Variants in ARHGAP32 observed in about 807,000 individuals in gnomAD.
ARHGAP32 encodes Rho GTPase activating protein 32.
A neutral mutation model predicts 186.5 loss-of-function variants in ARHGAP32; 51 were observed. The observed-to-expected ratio is 0.27, with a 90% CI of 0.22 to 0.35. The LOEUF is 0.35. ARHGAP32 is among the 10% of genes least tolerant of loss of function. The probability of loss-of-function intolerance (pLI) is 1.00; values close to 1 mark genes in which losing one functional copy is unlikely to be tolerated. For missense variants in ARHGAP32, 2,186 were observed against 2,623.5 expected (o/e 0.83, Z 3.64); for synonymous variants, 950 against 964.3 (o/e 0.99, Z 0.27).
chr11:129,226,539 T>G (rs1944784309), intron 1 of ARHGAP32, among the ~76,000 whole-genome samples: 1 of 152,160 alleles, frequency 6.6e-6, no homozygotes, highest in Non-Finnish European at 1.5e-5. Context: ...CTTCCCTCCA[T>G]TATGGCATTC....
chr11:129,168,309 G>A (rs1261348511), intron 1 of ARHGAP32, among the ~76,000 whole-genome samples: 1 of 152,100 alleles, frequency 6.6e-6, no homozygotes, highest in Non-Finnish European at 1.5e-5. Flanking sequence ...CCAAAAGGTA[G>A]AAAATGGAAG....
Position 129,123,429 on chromosome 11 carries a change from G to A in ARHGAP32, c.444+17C>T. The A allele has an allele frequency of 6.3e-7, 1 of 1,598,278 alleles. No individual in the cohort carries two copies. The highest frequency in any genetic ancestry group is 8.6e-7 in the Non-Finnish European group (1 of 1,166,774). ...GTGTAAATCTTAATTCAAGATGTAA[G>A]AAATATTTCAGTATACCTGTATGCT... is the stretch of plus-strand genomic sequence containing the variant. On this transcript the variant is annotated intron_variant, in intron 5 of 22. Coordinates refer to ENST00000682385, the MANE Select transcript of ARHGAP32 (RefSeq NM_001378024.1). The surrounding 1 kb of genome is among the most constrained non-coding windows in gnomAD (Gnocchi z 4.6).
At chr11:128,978,707 G>A (rs572648594) in intron 19 of ARHGAP32, 63 bp downstream of exon 19, 1,217 of 1,509,374 alleles carry the variant, frequency 8.1e-4, no homozygotes, top group Non-Finnish European at 1.0e-3. Flanking sequence ...TGTGAAGAAC[G>A]TGCCCAGAAC....
chr11:129,060,884 T>C (rs1328532106), intron 10 of ARHGAP32, among the ~76,000 whole-genome samples: 1 of 152,108 alleles, frequency 6.6e-6, no homozygotes, highest in East Asian at 1.9e-4. Context: ...ATCTTCAAGA[T>C]AATCATGTGA....
rs182483410 is a variant in ARHGAP32 at position 128,988,152 on chromosome 11, T to C, written c.1196-27A>G. ...TAAAGAGAATTTGTAAAGAAACAGATGAAATTGTAGTATTCACTGGAACCA... is the reference window on the plus strand; with the variant it reads ...TAAAGAGAATTTGTAAAGAAACAGACGAAATTGTAGTATTCACTGGAACCA... On this transcript the variant is annotated intron_variant, in intron 12 of 22. Coordinates refer to ENST00000682385, the MANE Select transcript of ARHGAP32 (RefSeq NM_001378024.1). The C allele has an allele frequency of 4.5e-3, 7,079 of 1,567,496 alleles. 38 individuals carry two copies. Among genetic ancestry groups the C allele is most frequent in the Non-Finnish European group, 5.7e-3 (6,485 of 1,140,812 alleles).
chr11:129,053,639 T>C (rs1268401658), intron 10 of ARHGAP32, among the ~76,000 whole-genome samples: 1 of 152,190 alleles, frequency 6.6e-6, no homozygotes, highest in African/African-American at 2.4e-5. Flanking sequence ...ATGCTTTAGT[T>C]TCTTCATCTA....
chr11:129,167,912 G>T (rs1943671970), intron 1 of ARHGAP32, among the ~76,000 whole-genome samples: 1 of 152,166 alleles, frequency 6.6e-6, no homozygotes, highest in African/African-American at 2.4e-5. Flanking sequence ...TGGACTTAAA[G>T]ATCCCTATTA....
chr11:128,992,500 C>A (rs1043485623), intron 12 of ARHGAP32, among the ~76,000 whole-genome samples: 4 of 151,898 alleles, frequency 2.6e-5, no homozygotes, highest in Admixed American at 1.3e-4. Flanking sequence ...AAGTAGGCTG[C>A]GGGCAGTGGC....
rs756949881 is a variant in ARHGAP32, at chr11:128,969,599, T to C, written c.5614A>G (p.Lys1872Glu). The C allele has an allele frequency of 3.1e-6, 5 of 1,613,922 alleles. No homozygotes were observed. The East Asian group carries it at 1.1e-4, about 36-fold the overall frequency. Reference sequence around the variant, plus strand: ...TTCCTGCTCCTCAGGCTGCTCTGCTTCTGAGGCAGGGATGGCTTCTCCGGC... The same window carrying C: ...TTCCTGCTCCTCAGGCTGCTCTGCTCCTGAGGCAGGGATGGCTTCTCCGGC... ...TQPEKPSLPQKQSSLRSRKLP... is the reference protein window; with the variant it reads ...TQPEKPSLPQEQSSLRSRKLP... The change falls in exon 23 of 23, where the codon AAG becomes GAG. Residue 1872 changes from lysine (K) to glutamate (E), a missense_variant. Transcript: ENST00000682385. The surrounding 1 kb of genome is among the most constrained non-coding windows in gnomAD (Gnocchi z 4.8).
Position 129,062,541 on chromosome 11 carries a change from G to A in ARHGAP32, c.886-184C>T, listed in dbSNP as rs1207102808. Among the ~76,000 whole-genome samples the A allele has an allele frequency of 2.0e-5, 3 of 152,108 alleles. No homozygotes were observed. The East Asian group carries it at 5.8e-4, about 29-fold the overall frequency. On this transcript the variant is annotated intron_variant, in intron 9 of 22. Transcript: ENST00000682385. The stretch of plus-strand genomic sequence containing the variant: ...TAATTATCTTATGATTTGTTAAAGA[G>A]AGGTCTACAAAAAGTTAAGCAGCAC...
At chr11:129,156,005 T>C (rs1026232817) in intron 2 of ARHGAP32, among the ~76,000 whole-genome samples, 1 of 152,056 alleles carries the variant, frequency 6.6e-6, no homozygotes, top group Non-Finnish European at 1.5e-5. Context: ...CAAGGGAAGA[T>C]GTGAGGGACT....
At chr11:129,102,286 A>C (rs568724053) in intron 5 of ARHGAP32, among the ~76,000 whole-genome samples, 69 of 152,190 alleles carry the variant, frequency 4.5e-4, no homozygotes, top group Non-Finnish European at 9.1e-4. Flanking sequence ...TAAAGCAACC[A>C]CATAAACAAG....
chr11:129,230,346 T>A (rs1276539362), intron 1 of ARHGAP32, among the ~76,000 whole-genome samples: 1 of 152,192 alleles, frequency 6.6e-6, no homozygotes, highest in Non-Finnish European at 1.5e-5. Flanking sequence ...ATGTTTCAGA[T>A]GTTATTGAAA....
At chr11:129,209,484 T>C (rs1295193423) in intron 1 of ARHGAP32, among the ~76,000 whole-genome samples, 2 of 151,930 alleles carry the variant, frequency 1.3e-5, no homozygotes, top group Non-Finnish European at 2.9e-5. Context: ...TAAATACAAA[T>C]AGACAGCACT....
chr11:129,207,359 T>C (rs1169394160), intron 1 of ARHGAP32, among the ~76,000 whole-genome samples: 1 of 152,206 alleles, frequency 6.6e-6, no homozygotes, highest in African/African-American at 2.4e-5. Flanking sequence ...CCACCAACAG[T>C]GTAAAAACGT....
intron 1 of ARHGAP32, among the ~76,000 whole-genome samples, chr11:129,166,712 T>A (rs772240534): frequency 6.6e-6 from 1 of 151,154 alleles, no homozygotes; most frequent in Non-Finnish European, 1.5e-5. Flanking sequence ...TGAAAAAAAC[T>A]ACCACCAAGA....
At chr11:129,234,149 C>T (rs1335026500) in intron 1 of ARHGAP32, among the ~76,000 whole-genome samples, 5 of 151,910 alleles carry the variant, frequency 3.3e-5, no homozygotes, top group African/African-American at 1.2e-4. Context: ...TGCAATAATT[C>T]AAAGAAGAGA....
intron 11 of ARHGAP32, among the ~76,000 whole-genome samples, chr11:128,999,979 A>T (rs543563047): frequency 6.6e-6 from 1 of 152,296 alleles, no homozygotes; most frequent in African/African-American, 2.4e-5. Flanking sequence ...TTTTTAAATT[A>T]TTTTACTTGA....
intron 1 of ARHGAP32, among the ~76,000 whole-genome samples, chr11:129,237,928 G>A (rs1431112406): frequency 6.6e-6 from 1 of 152,132 alleles, no homozygotes; most frequent in Non-Finnish European, 1.5e-5. Context: ...AAAGAAGTGA[G>A]AGTGATTTAG....
Sources: allele counts gnomAD v4.1 joint callset (sites outside exome capture counted in the v4.1 genomes callset), GRCh38; gene constraint gnomAD v4.1.1; non-coding constraint Gnocchi (gnomAD v3.1); transcripts MANE v1.5; gene names NCBI Gene and HGNC (gene_info 2026-07-23, HGNC 2026-07-21).